SENP7: variants seen among roughly 807,000 people sequenced by gnomAD.
SENP7 encodes SUMO specific peptidase 7.
In SENP7, 64 loss-of-function variants were observed where a neutral mutation model predicts 141.2. The ratio of observed to expected loss-of-function variants is 0.45; its 90% CI spans 0.37 to 0.56. The LOEUF is 0.56. Ranked by LOEUF, SENP7 falls within the 20% of genes least tolerant of loss-of-function variation. The probability of loss-of-function intolerance (pLI) is 0.00; values close to 1 mark genes in which losing one functional copy is unlikely to be tolerated. For synonymous variants in SENP7, 382 were observed against 426.4 expected (o/e 0.90, Z 1.28); for missense variants, 1,025 against 1,212.2 (o/e 0.85, Z 2.29).
chr3:101,359,739 CTATA>C (rs1479678405), intron 11 of SENP7, among the ~76,000 whole-genome samples: 1 of 151,866 alleles, frequency 6.6e-6, no homozygotes, highest in East Asian at 1.9e-4. Context: ...TTTAATGTAT[CTATA>C]TATGTATGAA....
intron 5 of SENP7, among the ~76,000 whole-genome samples, chr3:101,409,356 C>T (rs1031891125): frequency 1.3e-5 from 2 of 152,142 alleles, no homozygotes; most frequent in Admixed American, 1.3e-4. Context: ...TGAAAATGAC[C>T]ATATTGCTAC....
At chr3:101,499,352 T>A (rs185263785) in intron 2 of SENP7, among the ~76,000 whole-genome samples, 18 of 152,182 alleles carry the variant, frequency 1.2e-4, no homozygotes, top group African/African-American at 4.3e-4. Flanking sequence ...ATAGTATTCA[T>A]CCTGGCAATG....
chr3:101,481,826 T>C (rs1329076906), intron 3 of SENP7, among the ~76,000 whole-genome samples: 2 of 152,180 alleles, frequency 1.3e-5, no homozygotes, highest in Non-Finnish European at 2.9e-5. Context: ...CTGTCTTTGT[T>C]TGCAGATGAC....
At chr3:101,378,212 C>T (rs965702742) in intron 6 of SENP7, among the ~76,000 whole-genome samples, 2 of 151,208 alleles carry the variant, frequency 1.3e-5, no homozygotes, top group African/African-American at 4.9e-5. Context: ...GAAAAAAAAC[C>T]ACAGTTTGAC....
At chr3:101,451,749 C>A (rs1363970363) in intron 4 of SENP7, among the ~76,000 whole-genome samples, 1 of 152,154 alleles carries the variant, frequency 6.6e-6, no homozygotes, top group Non-Finnish European at 1.5e-5. Flanking sequence ...AACTCACAGC[C>A]AATATCATAC....
chr3:101,384,037 G>A (rs1422463042), intron 6 of SENP7, among the ~76,000 whole-genome samples: 1 of 152,234 alleles, frequency 6.6e-6, no homozygotes, highest in African/African-American at 2.4e-5. Context: ...GACTCAGCCA[G>A]ACTTGGGCAG....
Position 101,486,686 on chromosome 3 carries a change from T to A in SENP7, c.186+7187A>T, listed in dbSNP as rs1252756057. 2.6e-5 allele frequency among the ~76,000 whole-genome samples: 4 copies of A among 152,014 alleles called. No homozygotes were observed. In the East Asian group the frequency reaches 7.7e-4, roughly 29 times the overall value. On this transcript the variant is annotated intron_variant, in intron 3 of 23. Transcript: ENST00000394095. ...CATAAATTACACAGAACCTATAAAA[T>A]AAAAATACAAGTTAAAAAGCAAAAA...
intron 4 of SENP7, among the ~76,000 whole-genome samples, chr3:101,423,368 T>G (rs189943599): frequency 8.5e-4 from 130 of 152,202 alleles, no homozygotes; most frequent in African/African-American, 3.0e-3. Flanking sequence ...TACACCTCCA[T>G]TAGAAAGGGT....
In SENP7 at chr3:101,325,865, G is replaced by A. The variant is rs2058886202; in HGVS notation, c.*78C>T. On this transcript the variant is annotated 3_prime_UTR_variant, in exon 24 of 24. Coordinates refer to ENST00000394095, the MANE Select transcript of SENP7 (RefSeq NM_020654.5). ...TACTGCAAGTTATTTTCTTCTCTGTGAGCTGGCTAACACAAATGCTGGTAA... is the reference window on the plus strand; with the variant it reads ...TACTGCAAGTTATTTTCTTCTCTGTAAGCTGGCTAACACAAATGCTGGTAA... 1 of 1,323,592 alleles carries A rather than the reference G, an allele frequency of 7.6e-7. No individual in the cohort carries two copies. The highest frequency in any genetic ancestry group is 1.0e-6 in the Non-Finnish European group (1 of 983,398). 82.0% of individuals were successfully genotyped at this position (1,323,592 alleles called of 1,614,324 possible).
chr3:101,367,701 A>G, intron 8 of SENP7, 129 bp downstream of exon 8: 1 of 600,878 alleles, frequency 1.7e-6, no homozygotes, highest in South Asian at 2.8e-5. Context: ...TAAAGCTAAC[A>G]GTGAACCAAA....
chr3:101,348,288 G>A (rs537950468), intron 12 of SENP7, among the ~76,000 whole-genome samples: 1 of 152,138 alleles, frequency 6.6e-6, no homozygotes, highest in African/African-American at 2.4e-5. Flanking sequence ...ATTATTAAAT[G>A]ACAATTAAAT....
At chr3:101,509,941 G>C (rs2108215144) in intron 1 of SENP7, among the ~76,000 whole-genome samples, 1 of 152,158 alleles carries the variant, frequency 6.6e-6, no homozygotes, top group African/African-American at 2.4e-5. Flanking sequence ...GAAGTTCTTA[G>C]CACAATGTCT....
chr3:101,328,164 A>G (rs2058953941), intron 22 of SENP7, among the ~76,000 whole-genome samples: 1 of 152,186 alleles, frequency 6.6e-6, no homozygotes, highest in South Asian at 2.1e-4. Flanking sequence ...TAATTATACA[A>G]ATGTGAAAGA....
chr3:101,418,811 C>T (rs1172861012), intron 4 of SENP7, among the ~76,000 whole-genome samples: 2 of 151,576 alleles, frequency 1.3e-5, no homozygotes, highest in East Asian at 1.9e-4. Flanking sequence ...GTTGCACACA[C>T]ACAAAAAAAA....
intron 12 of SENP7, among the ~76,000 whole-genome samples, chr3:101,350,605 A>C (rs986307167): frequency 6.6e-6 from 1 of 152,082 alleles, no homozygotes; most frequent in African/African-American, 2.4e-5. Flanking sequence ...AAAATAAGAA[A>C]GCAATATTAT....
intron 1 of SENP7, among the ~76,000 whole-genome samples, chr3:101,504,497 G>A (rs949531269): frequency 2.0e-5 from 3 of 151,406 alleles, no homozygotes; most frequent in South Asian, 2.1e-4. Context: ...CTACACTTAA[G>A]CTTTTGATAA....
At chr3:101,501,045 G>A (rs7621830) in intron 2 of SENP7, 25 bp downstream of exon 2, 14 of 1,515,464 alleles carry the variant, frequency 9.2e-6, no homozygotes, top group South Asian at 2.3e-5. Context: ...AAAGATAATA[G>A]GTTAAAAGCA....
At chr3:101,467,196 A>G (rs572839338) in intron 3 of SENP7, among the ~76,000 whole-genome samples, 1 of 152,366 alleles carries the variant, frequency 6.6e-6, no homozygotes, top group African/African-American at 2.4e-5. Context: ...AGAACAGGGC[A>G]GAGCCCACCA....
chr3:101,402,218 C>G (rs1478778589), intron 5 of SENP7, among the ~76,000 whole-genome samples: 1 of 152,086 alleles, frequency 6.6e-6, no homozygotes, highest in Non-Finnish European at 1.5e-5. Context: ...AAAGTCAATG[C>G]ATAAGTTCGA....
Sources: allele counts gnomAD v4.1 joint callset (sites outside exome capture counted in the v4.1 genomes callset), GRCh38; gene constraint gnomAD v4.1.1; transcripts MANE v1.5; gene names NCBI Gene and HGNC (gene_info 2026-07-23, HGNC 2026-07-21).